NLGN1: variants seen among roughly 807,000 people sequenced by gnomAD.
The protein encoded by NLGN1 is neuroligin-1.
A neutral mutation model predicts 65.5 loss-of-function variants in NLGN1; 12 were observed. That is an observed-to-expected ratio of 0.18 (90% confidence interval 0.12 to 0.30). The LOEUF is 0.30. NLGN1 is among the 10% of genes least tolerant of loss of function. The pLI is 1.00. For missense variants in NLGN1, 750 were observed against 1,007.1 expected (o/e 0.74, Z 3.46); for synonymous variants, 350 against 359.5 (o/e 0.97, Z 0.30).
intron 2 of NLGN1, among the ~76,000 whole-genome samples, chr3:173,533,689 A>T (rs1736976949): frequency 6.6e-6 from 1 of 152,226 alleles, no homozygotes; most frequent in Non-Finnish European, 1.5e-5. Flanking sequence ...TTGATCATGT[A>T]GAAAGGTCTT....
At chr3:173,831,962 T>C (rs1560458207) in intron 4 of NLGN1, among the ~76,000 whole-genome samples, 2 of 151,876 alleles carry the variant, frequency 1.3e-5, no homozygotes, top group Admixed American at 6.6e-5. Context: ...TACTTTCTTT[T>C]TCTTTTTCTT....
chr3:173,973,605 A>G (rs1716773174), intron 4 of NLGN1, among the ~76,000 whole-genome samples: 1 of 152,098 alleles, frequency 6.6e-6, no homozygotes, highest in Non-Finnish European at 1.5e-5. Context: ...CTAGGAAGCC[A>G]CATCAAATAT....
At chr3:173,478,877 G>A (rs1368559797) in intron 2 of NLGN1, among the ~76,000 whole-genome samples, 1 of 151,396 alleles carries the variant, frequency 6.6e-6, no homozygotes, top group Non-Finnish European at 1.5e-5. Context: ...GGGAGACAGA[G>A]CAAGACCGTG....
intron 2 of NLGN1, among the ~76,000 whole-genome samples, chr3:173,442,845 A>G (rs1025029052): frequency 1.3e-5 from 2 of 152,162 alleles, no homozygotes; most frequent in Non-Finnish European, 2.9e-5. Flanking sequence ...CTTCTGCCTG[A>G]TTAATTATAG....
chr3:173,459,904 G>A (rs1560285389), intron 2 of NLGN1, among the ~76,000 whole-genome samples: 1 of 151,918 alleles, frequency 6.6e-6, no homozygotes, highest in Non-Finnish European at 1.5e-5. Context: ...ATCAGGGGTT[G>A]TTAGGAATTT....
chr3:173,577,216 G>A (rs1745636324), intron 2 of NLGN1, among the ~76,000 whole-genome samples: 1 of 152,178 alleles, frequency 6.6e-6, no homozygotes, highest in Non-Finnish European at 1.5e-5. Flanking sequence ...TATGAATGAT[G>A]AGGATGTGAA....
rs143841672 is a variant in NLGN1, at chr3:173,952,270, C to T, written c.646+144438C>T. Among the ~76,000 whole-genome samples, 611 of 152,262 alleles carry T rather than the reference C, an allele frequency of 4.0e-3. 5 individuals are homozygous for T. Among genetic ancestry groups the T allele is most frequent in the African/African-American group, 0.014 (572 of 41,544 alleles). On this transcript the variant is annotated intron_variant, in intron 4 of 6. Transcript: ENST00000457714. ...ATAAGAGCCAACAAGTCTGGAATCC[C>T]AGACTTCAGTCTCTCCGGAGTCACT...
chr3:174,239,003 A>G (rs1386163803), intron 4 of NLGN1, among the ~76,000 whole-genome samples: 2 of 152,064 alleles, frequency 1.3e-5, no homozygotes, highest in East Asian at 3.9e-4. Context: ...TTAGACATCC[A>G]TTTCTTACCT....
At chr3:174,079,118 A>G (rs1741613007) in intron 4 of NLGN1, among the ~76,000 whole-genome samples, 1 of 152,134 alleles carries the variant, frequency 6.6e-6, no homozygotes, top group Non-Finnish European at 1.5e-5. Context: ...AGAATGGGAA[A>G]TTATTTTTGT....
chr3:174,144,569 C>T (rs151248490), intron 4 of NLGN1, among the ~76,000 whole-genome samples: 2,220 of 152,292 alleles, frequency 0.015, 53 homozygotes, highest in African/African-American at 0.051. Flanking sequence ...ACATCCTCTC[C>T]AGCATCCTTT....
At position 173,682,853 on chromosome 3, in the gene NLGN1, C is replaced by A. The variant is rs562698641; in HGVS notation, c.493+77762C>A. ...GTCAATGAATTATATACTAGCAAATCATGGATGTTGAAACCTGAGGTTCAT... is the reference window on the plus strand; with the variant it reads ...GTCAATGAATTATATACTAGCAAATAATGGATGTTGAAACCTGAGGTTCAT... On this transcript the variant is annotated intron_variant, in intron 3 of 6. Coordinates refer to ENST00000457714, the Ensembl canonical transcript of NLGN1. 6.7e-4 allele frequency among the ~76,000 whole-genome samples: 102 copies of A among 152,180 alleles called. 1 individual carries two copies. Among genetic ancestry groups the A allele is most frequent in the Non-Finnish European group, 9.9e-4 (67 of 68,006 alleles).
intron 4 of NLGN1, among the ~76,000 whole-genome samples, chr3:174,039,705 G>C (rs899802273): frequency 2.0e-5 from 3 of 152,110 alleles, no homozygotes; most frequent in Non-Finnish European, 4.4e-5. Context: ...TAGCAATAGA[G>C]TGATTTCCAG....
At position 174,272,355 on chromosome 3, in the gene NLGN1, G is replaced by C. The variant is rs181035425; in HGVS notation, c.647-2960G>C. Among the ~76,000 whole-genome samples, 3 of 151,814 alleles carry C rather than the reference G, an allele frequency of 2.0e-5. No homozygotes were observed. The East Asian group carries it at 5.8e-4, about 29-fold the overall frequency. On this transcript the variant is annotated intron_variant, in intron 4 of 6. Transcript: ENST00000457714. ...TTCACTAGATAGCAAGGTATAGAATGCTGTCAATGTACATCACTTGAGTAA... is the reference window on the plus strand; with the variant it reads ...TTCACTAGATAGCAAGGTATAGAATCCTGTCAATGTACATCACTTGAGTAA...
intron 2 of NLGN1, among the ~76,000 whole-genome samples, chr3:173,561,979 A>C (rs1742809347): frequency 6.6e-6 from 1 of 152,198 alleles, no homozygotes; most frequent in African/African-American, 2.4e-5. Flanking sequence ...GCATTGGAGA[A>C]ATAGGGCTAT....
chr3:174,038,410 T>C (rs1731591336), intron 4 of NLGN1, among the ~76,000 whole-genome samples: 1 of 152,172 alleles, frequency 6.6e-6, no homozygotes, highest in Non-Finnish European at 1.5e-5. Flanking sequence ...GGAGTCTATG[T>C]CATTTGCCCT....
chr3:173,448,753 C>T (rs1314946339), intron 2 of NLGN1, among the ~76,000 whole-genome samples: 2 of 152,116 alleles, frequency 1.3e-5, no homozygotes, highest in South Asian at 4.1e-4. Flanking sequence ...TGTTATTGGT[C>T]TATTCAGAGA....
chr3:174,020,911 G>A (rs1418873983), intron 4 of NLGN1, among the ~76,000 whole-genome samples: 1 of 152,072 alleles, frequency 6.6e-6, no homozygotes, highest in Non-Finnish European at 1.5e-5. Context: ...TAGAAGTGTG[G>A]TCTGTGTTTT....
intron 4 of NLGN1, among the ~76,000 whole-genome samples, chr3:173,819,281 GC>G (rs1454223177): frequency 3.9e-5 from 6 of 151,966 alleles, no homozygotes; most frequent in Non-Finnish European, 7.4e-5. Context: ...AAATTCATAT[GC>G]CAATTGCATC....
chr3:173,993,533 A>G (rs1167786931), intron 4 of NLGN1, among the ~76,000 whole-genome samples: 1 of 152,154 alleles, frequency 6.6e-6, no homozygotes, highest in East Asian at 1.9e-4. Flanking sequence ...TTGTGTCCCT[A>G]AGAATGCTAT....
Sources: allele counts gnomAD v4.1 joint callset (sites outside exome capture counted in the v4.1 genomes callset), GRCh38; gene constraint gnomAD v4.1.1; transcripts MANE v1.5; gene names NCBI Gene and HGNC (gene_info 2026-07-23, HGNC 2026-07-21).